DNAH7: variants seen among roughly 807,000 people sequenced by gnomAD.
DNAH7 encodes the protein dynein axonemal heavy chain 7, also known as axonemal beta dynein heavy chain 7.
Under a neutral mutation model 444.6 loss-of-function variants are expected in DNAH7, and 397 were observed. That is an observed-to-expected ratio of 0.89 (90% CI 0.82 to 0.97). The LOEUF is 0.97. Ranked by LOEUF, DNAH7 falls within the 50% of genes least tolerant of loss-of-function variation. DNAH7 has a pLI of 0.00. For synonymous variants in DNAH7, 1,636 were observed against 1,624.4 expected (o/e 1.01, Z -0.17); for missense variants, 4,902 against 4,800.8 (o/e 1.02, Z -0.62).
At chr2:195,922,303 C>T (rs1688073127) in intron 23 of DNAH7, 106 bp from the exon 24 acceptor site, 2 of 638,978 alleles carry the variant, frequency 3.1e-6, no homozygotes, top group Non-Finnish European at 5.4e-6. Context: ...CTTTAAAGTT[C>T]ACTTTTCAGG....
chr2:195,760,514 A>G (rs1694300855), intron 61 of DNAH7, among the ~76,000 whole-genome samples: 1 of 152,086 alleles, frequency 6.6e-6, no homozygotes, highest in African/African-American at 2.4e-5. Context: ...CACAGTCTCA[A>G]TGTTGGTGGC....
chr2:195,786,495 C>T (rs1695627446), intron 58 of DNAH7, among the ~76,000 whole-genome samples: 1 of 151,984 alleles, frequency 6.6e-6, no homozygotes, highest in Non-Finnish European at 1.5e-5. Flanking sequence ...GAAATGTGGT[C>T]TATGTGACAA....
Position 195,771,727 on chromosome 2 carries a change from A to T in DNAH7, c.11366T>A (p.Met3789Lys), listed in dbSNP as rs776790815. ...QSMNTVLVQE[M>K]GRFNKLLKTI... The stretch of plus-strand genomic sequence containing the variant: ...CTTCAGTAACTTATTGAACCGTCCC[A>T]TCTCTTGGACAAGTACAGTGTTCAT... Residue 3789 changes from methionine to lysine, a missense_variant, in exon 61 of 65, where the codon ATG (methionine) becomes AAG (lysine). Physicochemically the swap from Met to Lys is moderately conservative, Grantham distance 95. Coordinates refer to ENST00000312428, the MANE Select transcript of DNAH7 (RefSeq NM_018897.3). 6.2e-7 allele frequency: 1 copy of T among 1,614,168 alleles called. No individual in the cohort carries two copies. The highest frequency in any genetic ancestry group is 1.7e-5 in the Admixed American group (1 of 60,018).
At chr2:195,902,052 G>A (rs1686744045) in intron 27 of DNAH7, 1 of 152,170 alleles carries the variant, frequency 6.6e-6, no homozygotes, top group South Asian at 2.1e-4. Flanking sequence ...GGAAAAAGAA[G>A]TTATTCTAGT....
intron 51 of DNAH7, among the ~76,000 whole-genome samples, chr2:195,810,799 T>C (rs1331143968): frequency 6.6e-6 from 1 of 152,216 alleles, no homozygotes; most frequent in Non-Finnish European, 1.5e-5. Context: ...AAAATACAGT[T>C]GAATTCTTAG....
chr2:195,886,016 A>G, intron 34 of DNAH7, 125 bp downstream of exon 34: 1 of 1,137,480 alleles, frequency 8.8e-7, no homozygotes, highest in Middle Eastern at 2.1e-4. Context: ...CTCATTCTTC[A>G]GCTACCACCC....
In DNAH7 at chr2:195,794,226, T is replaced by C. The variant is rs1348010327; in HGVS notation, c.10716+112A>G. ...GTTATCAAAACCTACTGCACTGCGG[T>C]GCAGGAGGCCTATTTAATTTTTAGT... On this transcript the variant is annotated intron_variant, in intron 57 of 64. Transcript: ENST00000312428. 4.5e-6 allele frequency: 4 copies of C among 890,108 alleles called. No individual in the cohort carries two copies. In the East Asian group the frequency reaches 9.7e-5, roughly 22 times the overall value. The allele number at this position is 890,108 out of a possible 1,614,324, so 55.1% of individuals were successfully genotyped here.
chr2:195,927,183 C>T (rs947367845), intron 21 of DNAH7, among the ~76,000 whole-genome samples: 6 of 152,144 alleles, frequency 3.9e-5, no homozygotes, highest in Admixed American at 1.3e-4. Flanking sequence ...TACCTACGTT[C>T]GGTGGACTGA....
At chr2:195,921,664 T>G (rs1688034791) in intron 24 of DNAH7, among the ~76,000 whole-genome samples, 1 of 152,014 alleles carries the variant, frequency 6.6e-6, no homozygotes, top group Non-Finnish European at 1.5e-5. Flanking sequence ...AGGTGATGGG[T>G]GCACCAAATC....
chr2:195,815,727 G>A (rs1697185971), intron 51 of DNAH7, among the ~76,000 whole-genome samples: 1 of 152,198 alleles, frequency 6.6e-6, no homozygotes, highest in Non-Finnish European at 1.5e-5. Flanking sequence ...TCTTGGCCGG[G>A]CATGGTGGCT....
chr2:195,787,194 C>T lies in DNAH7; in HGVS notation c.10717-23G>A, dbSNP rs200873090. On this transcript the variant is annotated intron_variant, in intron 57 of 64. Transcript: ENST00000312428. ...CTCCTGTAATGAGAAGAAATGATGC[C>T]GCATCATTATTTTCTCCATATATTG... 2.5e-4 allele frequency: 397 copies of T among 1,561,868 alleles called. No individual in the cohort carries two copies. In the African/African-American group the frequency reaches 3.0e-3, roughly 12 times the overall value.
intron 47 of DNAH7, among the ~76,000 whole-genome samples, chr2:195,843,805 A>G (rs1385638330): frequency 6.6e-6 from 1 of 152,212 alleles, no homozygotes; most frequent in African/African-American, 2.4e-5. Context: ...TTTCATAAAT[A>G]CTATGTAGAG....
Position 195,873,567 on chromosome 2 carries a change from C to A in DNAH7, c.6413+1G>T. The A allele has an allele frequency of 7.5e-7, 1 of 1,339,160 alleles. No individual in the cohort carries two copies. The highest frequency in any genetic ancestry group is 9.8e-7 in the Non-Finnish European group (1 of 1,015,714). 83.0% of individuals were successfully genotyped at this position (1,339,160 alleles called of 1,614,324 possible). ...AAAAAAAACAAATTTTGATTACTTACCAGATTTCTAAATGCCAAGTTAAGA... is the reference window on the plus strand; with the variant it reads ...AAAAAAAACAAATTTTGATTACTTAACAGATTTCTAAATGCCAAGTTAAGA... On this transcript the variant is annotated splice_donor_variant, in intron 39 of 64. Transcript: ENST00000312428. LOFTEE classifies it high-confidence loss of function.
chr2:195,794,382 C>T lies in DNAH7; in HGVS notation c.10672G>A (p.Asp3558Asn). The change falls in exon 57 of 65, where the codon GAC (aspartate) becomes AAC (asparagine). Residue 3558 changes from aspartate (D) to asparagine (N), a missense_variant. Physicochemically the swap from Asp to Asn is conservative, Grantham distance 23. Coordinates refer to ENST00000312428, the MANE Select transcript of DNAH7 (RefSeq NM_018897.3). ...RANIIRSYLMDPISDPEFFGS... is the reference protein window; with the variant it reads ...RANIIRSYLMNPISDPEFFGS... ...AAGAACTCCGGATCAGAGATCGGGT[C>T]CATGAGGTATGATCGAATGATATTA... is the stretch of plus-strand genomic sequence containing the variant. 1.2e-6 allele frequency: 2 copies of T among 1,614,066 alleles called. No individual in the cohort carries two copies. The highest frequency in any genetic ancestry group is 1.7e-6 in the Non-Finnish European group (2 of 1,179,998).
chr2:195,922,599 A>C (rs1688089623), intron 23 of DNAH7, among the ~76,000 whole-genome samples: 1 of 152,116 alleles, frequency 6.6e-6, no homozygotes, highest in Admixed American at 6.6e-5. Context: ...CTCAGTACTA[A>C]ATACGCTGCC....
chr2:196,043,682 C>T (rs961651434), intron 5 of DNAH7, among the ~76,000 whole-genome samples: 2 of 151,882 alleles, frequency 1.3e-5, no homozygotes, highest in African/African-American at 4.8e-5. Flanking sequence ...GACTAATACC[C>T]AGAATCTATA....
chr2:196,035,386 A>G (rs1052525620), intron 5 of DNAH7, among the ~76,000 whole-genome samples: 1 of 152,204 alleles, frequency 6.6e-6, no homozygotes, highest in African/African-American at 2.4e-5. Context: ...CTAGTGTATG[A>G]AGTCTGATGG....
intron 3 of DNAH7, 38 bp from the exon 4 acceptor site, chr2:196,048,442 T>A (rs1474478175): frequency 1.9e-6 from 3 of 1,577,740 alleles, no homozygotes; most frequent in African/African-American, 2.7e-5. Context: ...ACAAACAATA[T>A]CAGAAAAAAA....
chr2:196,025,536 A>G (rs1441282084), intron 7 of DNAH7, among the ~76,000 whole-genome samples: 1 of 152,116 alleles, frequency 6.6e-6, no homozygotes, highest in Non-Finnish European at 1.5e-5. Flanking sequence ...GGCGTCTGCT[A>G]TCATTCACAC....
Sources: allele counts gnomAD v4.1 joint callset (sites outside exome capture counted in the v4.1 genomes callset), GRCh38; gene constraint gnomAD v4.1.1; transcripts MANE v1.5; gene names NCBI Gene and HGNC (gene_info 2026-07-23, HGNC 2026-07-21).